MKLN1: variants seen among roughly 807,000 people sequenced by gnomAD.
The protein encoded by MKLN1 is muskelin.
In MKLN1, 18 loss-of-function variants were observed where a neutral mutation model predicts 99.0. The observed-to-expected ratio is 0.18, with a 90% CI of 0.13 to 0.27. The LOEUF is 0.27. Ranked by LOEUF, MKLN1 falls within the 10% of genes least tolerant of loss-of-function variation. MKLN1 has a pLI of 1.00. For missense variants in MKLN1, 621 were observed against 875.9 expected (o/e 0.71, Z 3.67); for synonymous variants, 288 against 293.2 (o/e 0.98, Z 0.18).
intron 9 of MKLN1, 45 bp downstream of exon 9, chr7:131,429,190 T>C (rs1394943031): frequency 7.8e-7 from 1 of 1,279,638 alleles, no homozygotes; most frequent in Non-Finnish European, 1.1e-6. Context: ...AGAAGGGGCG[T>C]AGATGTGCAC....
chr7:131,380,160 T>C (rs1793800621), intron 2 of MKLN1, among the ~76,000 whole-genome samples: 1 of 152,140 alleles, frequency 6.6e-6, no homozygotes, highest in East Asian at 1.9e-4. Flanking sequence ...ATCATCCCGG[T>C]ACTTGAAACT....
At chr7:131,115,850 C>T (rs1433315930) in intron 1 of MKLN1, among the ~76,000 whole-genome samples, 1 of 152,154 alleles carries the variant, frequency 6.6e-6, no homozygotes, top group Non-Finnish European at 1.5e-5. Context: ...CCTGACCACG[C>T]CACCTGAAGT....
chr7:131,400,518 A>AATATATATAT (rs56156009), intron 6 of MKLN1, among the ~76,000 whole-genome samples: 1,448 of 137,334 alleles, frequency 0.011, 25 homozygotes, highest in African/African-American at 0.036. Flanking sequence ...ATAAAAAAAA[A>AATATATATAT]ATATATATAT....
At chr7:131,132,561 G>T (rs1237200243) in intron 1 of MKLN1, among the ~76,000 whole-genome samples, 7 of 152,206 alleles carry the variant, frequency 4.6e-5, no homozygotes, top group Non-Finnish European at 8.8e-5. Flanking sequence ...ATGGAAAAAA[G>T]TCTTCTTATA....
At chr7:131,285,741 T>C (rs561371701) in intron 3 of MKLN1, among the ~76,000 whole-genome samples, 2 of 152,344 alleles carry the variant, frequency 1.3e-5, no homozygotes, top group African/African-American at 4.8e-5. Context: ...CTCTTGGTCC[T>C]GGAATGCCCT....
At chr7:131,219,900 G>A (rs943767810) in intron 3 of MKLN1, among the ~76,000 whole-genome samples, 13 of 151,786 alleles carry the variant, frequency 8.6e-5, no homozygotes, top group Admixed American at 7.2e-4. Flanking sequence ...TTCCTCTTAC[G>A]TGATCCTTCC....
intron 1 of MKLN1, among the ~76,000 whole-genome samples, chr7:131,137,652 G>A (rs1795668660): frequency 6.6e-6 from 1 of 152,132 alleles, no homozygotes; most frequent in African/African-American, 2.4e-5. Flanking sequence ...TCGGCTCACT[G>A]CAACCTCCAC....
chr7:131,252,022 G>A lies in MKLN1; in HGVS notation c.-179+49048G>A, dbSNP rs568393970. 1.2e-3 allele frequency among the ~76,000 whole-genome samples: 189 copies of A among 152,310 alleles called. 2 individuals are homozygous for A. The highest frequency in any genetic ancestry group is 3.9e-3 in the African/African-American group (161 of 41,574). On this transcript the variant is annotated intron_variant, in intron 3 of 7. Transcript: ENST00000416992. ...ACCAAAAACAACAGTGCCTAGGGAA[G>A]ATGAGGCATAATTCTGGTTTAAAAT...
At chr7:131,298,129 G>C (rs1197376715) in intron 3 of MKLN1, among the ~76,000 whole-genome samples, 2 of 152,068 alleles carry the variant, frequency 1.3e-5, no homozygotes, top group Non-Finnish European at 2.9e-5. Context: ...AAATTAGCCG[G>C]GCGCGGTGGC....
At chr7:131,124,412 C>A (rs542421564) in intron 1 of MKLN1, among the ~76,000 whole-genome samples, 2 of 152,260 alleles carry the variant, frequency 1.3e-5, no homozygotes, top group South Asian at 4.1e-4. Context: ...AATAAGGCAC[C>A]TGGCCAGTTG....
At chr7:131,287,415 G>A (rs748190853) in intron 3 of MKLN1, among the ~76,000 whole-genome samples, 2 of 152,142 alleles carry the variant, frequency 1.3e-5, no homozygotes, top group Non-Finnish European at 2.9e-5. Flanking sequence ...AGCGTCTGGG[G>A]GCCCCAGGCC....
chr7:131,489,847 C>G lies in MKLN1; in HGVS notation c.*2119C>G, dbSNP rs1188362575. 1 of 152,022 alleles carries G rather than the reference C, an allele frequency of 6.6e-6. No individual in the cohort carries two copies. The highest frequency in any genetic ancestry group is 1.5e-5 in the Non-Finnish European group (1 of 67,998). The allele number at this position is 152,022 out of a possible 1,614,324, so 9.4% of individuals were successfully genotyped here. ...CATGTTTGTTTTAATTTCATCTTCC[C>G]TCACTTTATTTAGGTAGAATTTTTC... is the stretch of plus-strand genomic sequence containing the variant. On this transcript the variant is annotated 3_prime_UTR_variant, in exon 18 of 18. Coordinates refer to ENST00000352689, the MANE Select transcript of MKLN1 (RefSeq NM_013255.5).
intron 4 of MKLN1, among the ~76,000 whole-genome samples, chr7:131,394,270 C>T (rs914531605): frequency 2.0e-5 from 3 of 152,036 alleles, no homozygotes; most frequent in African/African-American, 7.3e-5. Context: ...TGTTTTTATT[C>T]ACACAGCTTC....
At chr7:131,189,705 G>A (rs1029676920) in intron 2 of MKLN1, among the ~76,000 whole-genome samples, 5 of 152,186 alleles carry the variant, frequency 3.3e-5, no homozygotes, top group Non-Finnish European at 7.3e-5. Context: ...TGTAGTAATA[G>A]CAGTAGTGAG....
chr7:131,460,696 G>A (rs1796489755), intron 12 of MKLN1, among the ~76,000 whole-genome samples: 1 of 152,124 alleles, frequency 6.6e-6, no homozygotes, highest in Admixed American at 6.5e-5. Context: ...GGTAATAATT[G>A]TAGGTGAAAA....
intron 3 of MKLN1, among the ~76,000 whole-genome samples, chr7:131,309,424 C>A (rs1428115559): frequency 6.6e-6 from 1 of 151,296 alleles, no homozygotes; most frequent in Admixed American, 6.6e-5. Context: ...TTTTTGGAGG[C>A]AGTTTCACTC....
intron 2 of MKLN1, among the ~76,000 whole-genome samples, chr7:131,148,582 C>T (rs544626697): frequency 1.1e-4 from 16 of 152,150 alleles, no homozygotes; most frequent in Non-Finnish European, 2.1e-4. Flanking sequence ...TGAGACCAGC[C>T]TGGGCAACAT....
intron 2 of MKLN1, among the ~76,000 whole-genome samples, chr7:131,153,980 A>G (rs1256438739): frequency 2.0e-5 from 3 of 151,802 alleles, no homozygotes; most frequent in Non-Finnish European, 4.4e-5. Context: ...GGATCTTTAA[A>G]TATATTTATT....
intron 3 of MKLN1, among the ~76,000 whole-genome samples, chr7:131,320,285 A>G (rs568721639): frequency 2.6e-5 from 4 of 152,284 alleles, no homozygotes; most frequent in Admixed American, 2.6e-4. Flanking sequence ...CACATCTACA[A>G]CCATCTGATC....
Sources: gnomAD v4.1 joint callset for allele counts (sites outside exome capture counted in the v4.1 genomes callset) on GRCh38, gnomAD v4.1.1 for gene constraint, MANE v1.5 for transcripts, NCBI Gene and HGNC (gene_info 2026-07-23, HGNC 2026-07-21) for gene names.